LRRK1: variants seen among roughly 807,000 people sequenced by gnomAD.
LRRK1 encodes leucine rich repeat kinase 1, also known as leucine-rich repeat serine/threonine-protein kinase 1.
In LRRK1, 113 loss-of-function variants were observed where a neutral mutation model predicts 209.1. That is an observed-to-expected ratio of 0.54 (90% confidence interval 0.46 to 0.63). The LOEUF is 0.63. Ranked by LOEUF, LRRK1 falls within the 30% of genes least tolerant of loss-of-function variation. LRRK1 has a pLI of 0.00. For synonymous variants in LRRK1, 1,144 were observed against 1,099.7 expected, an observed-to-expected ratio of 1.04 and a Z score of -0.80; for missense variants, 2,284 against 2,632.2, an observed-to-expected ratio of 0.87 and a Z score of 2.89.
At chr15:101,019,027 C>A (rs753450260) in intron 12 of LRRK1, among the ~76,000 whole-genome samples, 1 of 152,150 alleles carries the variant, frequency 6.6e-6, no homozygotes, top group Non-Finnish European at 1.5e-5. Flanking sequence ...GCCGTTTTTA[C>A]GGTAAAAATC....
At position 101,028,164 on chromosome 15, in the gene LRRK1, C is replaced by G. The variant is rs145791169; in HGVS notation, c.2686+367C>G. ...ACCGCGATCACTGAAATAGCAAATA[C>G]GGAACCAGTGCTCCTAGGAGAGACG... On this transcript the variant is annotated intron_variant, in intron 19 of 33. Coordinates refer to ENST00000388948, the MANE Select transcript of LRRK1 (RefSeq NM_024652.6). Among the ~76,000 whole-genome samples the G allele has an allele frequency of 1.8e-3, 280 of 152,350 alleles. 1 individual carries two copies. The highest frequency in any genetic ancestry group is 6.3e-3 in the African/African-American group (262 of 41,596).
intron 6 of LRRK1, among the ~76,000 whole-genome samples, chr15:101,001,970 GAGGA>G (rs67667990): frequency 0.012 from 1,844 of 152,324 alleles, 47 homozygotes; most frequent in African/African-American, 0.04. Context: ...GAATCGTACA[GAGGA>G]ACACCTGTGT....
chr15:100,948,421 T>C (rs1370774660), intron 2 of LRRK1, among the ~76,000 whole-genome samples: 2 of 152,240 alleles, frequency 1.3e-5, no homozygotes, highest in Non-Finnish European at 2.9e-5. Flanking sequence ...TGCTAAGTAT[T>C]GGTAAATTCC....
chr15:100,988,592 C>T, intron 4 of LRRK1, 42 bp from the exon 5 acceptor site: 1 of 1,602,174 alleles, frequency 6.2e-7, no homozygotes, highest in African/African-American at 1.3e-5. Context: ...CAAACAGCAC[C>T]CTTCAGTGGC....
chr15:101,010,859 A>G (rs1354085457), intron 9 of LRRK1, 22 bp downstream of exon 9: 8 of 1,600,104 alleles, frequency 5.0e-6, no homozygotes, highest in Non-Finnish European at 6.8e-6. Context: ...ACCAAAAGTC[A>G]TGAAAGCCAC....
At chr15:100,956,107 T>C (rs2042751605) in intron 2 of LRRK1, among the ~76,000 whole-genome samples, 1 of 152,224 alleles carries the variant, frequency 6.6e-6, no homozygotes, top group Admixed American at 6.5e-5. Context: ...TGTGAAGCCA[T>C]CTATCTGATT....
At chr15:101,056,700 T>C (rs1365055509) in intron 27 of LRRK1, among the ~76,000 whole-genome samples, 156 bp from the exon 28 acceptor site, 2 of 151,928 alleles carry the variant, frequency 1.3e-5, no homozygotes, top group African/African-American at 4.8e-5. Flanking sequence ...GTCAGATAGG[T>C]GGATGGATAA....
Position 101,024,148 on chromosome 15 carries a change from A to G in LRRK1, c.2068-655A>G, listed in dbSNP as rs924451340. On this transcript the variant is annotated intron_variant, in intron 15 of 33. Transcript: ENST00000388948. This position sits in a 1 kb window ranked among gnomAD's most constrained non-coding sequence, Gnocchi z 4.6. ...TGTGGCCGGCCTCAGCCAGTTGAGA[A>G]CAGCTGTTTTCATCTTTATACAAAA... Among the ~76,000 whole-genome samples, 1 of 152,128 alleles carries G rather than the reference A, an allele frequency of 6.6e-6. No homozygotes were observed. The highest frequency in any genetic ancestry group is 1.5e-5 in the Non-Finnish European group (1 of 68,024).
At chr15:101,025,917 T>C in intron 16 of LRRK1, 48 bp from the exon 17 acceptor site, 1 of 1,603,916 alleles carries the variant, frequency 6.2e-7, no homozygotes, top group Non-Finnish European at 8.5e-7. Flanking sequence ...TCCTGTCCCT[T>C]GTTCCATGAA....
intron 2 of LRRK1, among the ~76,000 whole-genome samples, chr15:100,934,701 G>C (rs2042266577): frequency 6.6e-6 from 1 of 150,742 alleles, no homozygotes; most frequent in Admixed American, 6.6e-5. Flanking sequence ...ACTTGGGGGT[G>C]CTGAGGTGGG....
intron 2 of LRRK1, among the ~76,000 whole-genome samples, chr15:100,943,780 C>T (rs1008948299): frequency 4.6e-5 from 7 of 151,368 alleles, no homozygotes; most frequent in African/African-American, 1.2e-4. Flanking sequence ...TGGGTTCAAG[C>T]GATTCTCCTG....
rs1417322803 is a variant in LRRK1, at chr15:101,068,889, CGG to C, written c.*44_*45del. 1 of 1,536,264 alleles carries C rather than the reference CGG, an allele frequency of 6.5e-7. No individual in the cohort carries two copies. Among genetic ancestry groups the C allele is most frequent in the Non-Finnish European group, 8.8e-7 (1 of 1,137,248 alleles). On this transcript the variant is annotated 3_prime_UTR_variant, in exon 34 of 34. Transcript: ENST00000388948. ...TGTCACACATCAGAGCTGGCTGGCC[CGG>C]GGCTGCAGCCTGACCCCTCTGCCAT...
rs1037755581 is a variant in LRRK1, at chr15:100,969,695, T to C, written c.98-4109T>C. On this transcript the variant is annotated intron_variant, in intron 2 of 33. Transcript: ENST00000388948. Reference sequence around the variant, plus strand: ...CCAGTGTGTGTTGTTCCCCTCTTGTTTCCATGTATTCTCATTGGTCAGCTC... The same window carrying C: ...CCAGTGTGTGTTGTTCCCCTCTTGTCTCCATGTATTCTCATTGGTCAGCTC... Among the ~76,000 whole-genome samples, 8 of 152,288 alleles carry C rather than the reference T, an allele frequency of 5.3e-5. No individual in the cohort carries two copies. In the South Asian group the frequency reaches 1.7e-3, roughly 32 times the overall value.
In LRRK1 at chr15:101,065,636, C is replaced by T; in HGVS notation, c.5199C>T (p.Pro1733=). The change falls in exon 32 of 34, where the codon CCC becomes CCT. Residue 1733 remains proline, a synonymous_variant. Coordinates refer to ENST00000388948, the MANE Select transcript of LRRK1 (RefSeq NM_024652.6). ...ICRRLEPYMA[P]SMVTSVVCSS... ...GGCGGCTGGAGCCCTACATGGCCCC[C>T]TCCATGGTTACGTCAGTCGTGTGCA... 3.1e-6 allele frequency: 5 copies of T among 1,614,206 alleles called. No homozygotes were observed. The highest frequency in any genetic ancestry group is 4.2e-6 in the Non-Finnish European group (5 of 1,180,040).
chr15:100,990,913 A>G (rs573680041), intron 6 of LRRK1, among the ~76,000 whole-genome samples: 6 of 152,036 alleles, frequency 3.9e-5, no homozygotes, highest in African/African-American at 1.4e-4. Flanking sequence ...CTCTAATTTT[A>G]TTTCAGTATT....
At chr15:101,028,643 G>A (rs1454498629) in intron 19 of LRRK1, among the ~76,000 whole-genome samples, 2 of 152,258 alleles carry the variant, frequency 1.3e-5, no homozygotes, top group Non-Finnish European at 2.9e-5. Flanking sequence ...ATAACCGCAG[G>A]AGTGCTGATT....
At chr15:101,011,604 A>ATG (rs1436169893) in intron 9 of LRRK1, among the ~76,000 whole-genome samples, 6 of 145,830 alleles carry the variant, frequency 4.1e-5, no homozygotes, top group Non-Finnish European at 7.5e-5. Context: ...GTGTGTGTGC[A>ATG]TGTGTGTGTG....
chr15:101,026,907 A>T (rs913855569), intron 17 of LRRK1, among the ~76,000 whole-genome samples: 1 of 152,042 alleles, frequency 6.6e-6, no homozygotes, highest in African/African-American at 2.4e-5. Flanking sequence ...AGAAAGTCCC[A>T]TGGGGTCTGT....
rs117501730 is a variant in LRRK1 at position 101,022,621 on chromosome 15, G to A, written c.2067+24G>A. Reference sequence around the variant, plus strand: ...AGGTCAAGGATGGTCTGCGTGCAGAGTCCCTGTGGGTGGGAGGAACATCCC... The same window carrying A: ...AGGTCAAGGATGGTCTGCGTGCAGAATCCCTGTGGGTGGGAGGAACATCCC... On this transcript the variant is annotated intron_variant, in intron 15 of 33. Coordinates refer to ENST00000388948, the MANE Select transcript of LRRK1 (RefSeq NM_024652.6). This position sits in a 1 kb window ranked among gnomAD's most constrained non-coding sequence, Gnocchi z 4.0. The A allele has an allele frequency of 4.5e-4, 675 of 1,507,308 alleles. 2 individuals are homozygous for A. In the East Asian group the frequency reaches 0.013, roughly 30 times the overall value. The allele number at this position is 1,507,308 out of a possible 1,614,324, so 93.4% of individuals were successfully genotyped here.
Sources: allele counts gnomAD v4.1 joint callset (sites outside exome capture counted in the v4.1 genomes callset), GRCh38; gene constraint gnomAD v4.1.1; non-coding constraint Gnocchi (gnomAD v3.1); transcripts MANE v1.5; gene names NCBI Gene and HGNC (gene_info 2026-07-23, HGNC 2026-07-21).